TPM3: variants seen among roughly 807,000 people sequenced by gnomAD.
TPM3 encodes tropomyosin 3, also known as tropomyosin alpha-3 chain.
Under a neutral mutation model 43.1 loss-of-function variants are expected in TPM3, and 16 were observed. That is an observed-to-expected ratio of 0.37 (90% confidence interval 0.25 to 0.56). TPM3 has a LOEUF of 0.56. Among genes scored for constraint, TPM3 ranks in the 20% least tolerant of loss-of-function variants. The probability of loss-of-function intolerance (pLI) is 0.77; values close to 1 mark genes in which losing one functional copy is unlikely to be tolerated. For synonymous variants in TPM3, 101 were observed against 116.9 expected (o/e 0.86, Z 0.88); for missense variants, 176 against 337.2 (o/e 0.52, Z 3.74).
intron 5 of TPM3, 116 bp from the exon 6 acceptor site, chr1:154,171,604 A>T (rs1661584252): frequency 1.1e-5 from 12 of 1,127,400 alleles, no homozygotes; most frequent in Non-Finnish European, 1.4e-5. Flanking sequence ...TGGAAGGCAT[A>T]CTGGGGAAGA....
chr1:154,173,299 C>T (rs2148242846), intron 3 of TPM3, 98 bp from the exon 4 acceptor site: 1 of 941,356 alleles, frequency 1.1e-6, no homozygotes, highest in Non-Finnish European at 1.7e-6. Flanking sequence ...AAGCCCACTC[C>T]TCTCTGTCTG....
chr1:154,161,443 T>C (rs988076297), downstream of TPM3, among the ~76,000 whole-genome samples: 1 of 149,578 alleles, frequency 6.7e-6, no homozygotes, highest in African/African-American at 2.5e-5. Flanking sequence ...GATCCTTTTT[T>C]TTTTTTTTTT....
At chr1:154,169,714 T>C (rs574409236) in intron 8 of TPM3, 49 of 435,354 alleles carry the variant, frequency 1.1e-4, no homozygotes, top group South Asian at 2.1e-4. Flanking sequence ...TAACACTTAA[T>C]TGAACAAAAA....
intron 9 of TPM3, among the ~76,000 whole-genome samples, chr1:154,169,046 G>T (rs1661294493): frequency 6.6e-6 from 1 of 151,960 alleles, no homozygotes; most frequent in Admixed American, 6.6e-5. Flanking sequence ...ATGTTGGCCA[G>T]GCTGGTCTCC....
Position 154,163,604 on chromosome 1 carries a change from T to C in TPM3, c.*4333A>G, listed in dbSNP as rs34629044. 0.012 allele frequency among the ~76,000 whole-genome samples: 1,794 copies of C among 152,262 alleles called. 29 individuals carry two copies. Among genetic ancestry groups the C allele is most frequent in the South Asian group, 0.057 (274 of 4,812 alleles). On this transcript the variant is annotated 3_prime_UTR_variant, in exon 10 of 10. Coordinates refer to ENST00000651641, the MANE Select transcript of TPM3 (RefSeq NM_152263.4). ...TTCTTTCCCTCCAATCAGTTCCATT[T>C]GGTTCCTCCTCTTACATAACGTTTT...
At chr1:154,161,437 CTTTTTTT>C (rs966387714), downstream of TPM3, among the ~76,000 whole-genome samples, 1 of 113,410 alleles carries the variant, frequency 8.8e-6, no homozygotes, top group African/African-American at 3.5e-5. Context: ...TATCAGGATC[CTTTTTTT>C]TTTTTTTTTT....
At chr1:154,186,085 A>G (rs1468532918) in intron 2 of TPM3, among the ~76,000 whole-genome samples, 1 of 151,676 alleles carries the variant, frequency 6.6e-6, no homozygotes, top group African/African-American at 2.4e-5. Flanking sequence ...TTGGATAGAT[A>G]ATAATTTTCT....
chr1:154,191,038 T>C (rs1663657567), intron 2 of TPM3, 148 bp downstream of exon 2: 2 of 1,284,680 alleles, frequency 1.6e-6, no homozygotes. Flanking sequence ...TATGAGAATA[T>C]ACCAGCATGT....
Position 154,177,958 on chromosome 1 carries a change from C to T in TPM3, c.244-1710G>A, listed in dbSNP as rs186976998. Among the ~76,000 whole-genome samples, 117 of 152,296 alleles carry T rather than the reference C, an allele frequency of 7.7e-4. 3 individuals carry two copies. Among genetic ancestry groups the T allele is most frequent in the Admixed American group, 7.3e-3 (112 of 15,292 alleles). On this transcript the variant is annotated intron_variant, in intron 2 of 9. Transcript: ENST00000651641. ...TCTAACTACACTACTCAAAACACCA[C>T]AAAGACAAGTATTCTCTGCTTCTGC...
chr1:154,169,312 T>C lies in TPM3; in HGVS notation c.847A>G (p.Thr283Ala), dbSNP rs1286126438. The change falls in exon 9 of 10, where the codon ACC becomes GCC. Residue 283 changes from threonine (T) to alanine (A), a missense_variant. Thr to Ala is a moderately conservative substitution (Grantham distance 58). Transcript: ENST00000651641. ...EELDHALNDM[T>A]SI The stretch of plus-strand genomic sequence containing the variant: ...CTACTGTCAGATAGTTACATAGAGG[T>C]CATGTCATTGAGGGCGTGGTCCAGC... 6.2e-7 allele frequency: 1 copy of C among 1,614,102 alleles called. No individual in the cohort carries two copies. The highest frequency in any genetic ancestry group is 8.5e-7 in the Non-Finnish European group (1 of 1,180,000).
intron 2 of TPM3, among the ~76,000 whole-genome samples, chr1:154,183,404 G>A (rs1163270581): frequency 6.6e-6 from 1 of 152,168 alleles, no homozygotes. Context: ...GGACGAGGGA[G>A]TGTTACCATG....
intron 9 of TPM3, among the ~76,000 whole-genome samples, chr1:154,168,748 A>C (rs1294969224): frequency 2.0e-5 from 3 of 150,004 alleles, no homozygotes; most frequent in African/African-American, 2.5e-5. Context: ...CTGGTCTTGA[A>C]CTCCTGGCCT....
rs534828434 is a variant in TPM3, at chr1:154,163,580, TC to T, written c.*4356del. On this transcript the variant is annotated 3_prime_UTR_variant, in exon 10 of 10. Transcript: ENST00000651641. ...TTTTTAAAGAACTACTCAACCGTCT[TC>T]TTTCCCTCCAATCAGTTCCATTTGG... Among the ~76,000 whole-genome samples, 106 of 152,284 alleles carry T rather than the reference TC, an allele frequency of 7.0e-4. No homozygotes were observed. The highest frequency in any genetic ancestry group is 6.8e-3 in the Middle Eastern group (2 of 294).
At chr1:154,190,972 TA>T (rs201746981) in intron 2 of TPM3, among the ~76,000 whole-genome samples, 30 of 151,534 alleles carry the variant, frequency 2.0e-4, no homozygotes, top group Admixed American at 4.6e-4. Flanking sequence ...TTACATGTAT[TA>T]AAAAAAAACT....
chr1:154,170,285 T>A, intron 8 of TPM3, 115 bp downstream of exon 8: 1 of 1,145,136 alleles, frequency 8.7e-7, no homozygotes, highest in East Asian at 2.3e-5. Flanking sequence ...CACATGATAT[T>A]AATACATGCC....
Position 154,163,377 on chromosome 1 carries a change from C to T in TPM3, c.*4560G>A, listed in dbSNP as rs1027026495. Among the ~76,000 whole-genome samples the T allele has an allele frequency of 4.5e-4, 68 of 152,220 alleles. No individual in the cohort carries two copies. Among genetic ancestry groups the T allele is most frequent in the Non-Finnish European group, 1.0e-4 (7 of 68,014 alleles). ...CCTGCTCTAAAGTAAATTATATTGC[C>T]TATATAATCTTCCTACCAATACACT... On this transcript the variant is annotated 3_prime_UTR_variant, in exon 10 of 10. Coordinates refer to ENST00000651641, the MANE Select transcript of TPM3 (RefSeq NM_152263.4).
At chr1:154,158,660 C>T, downstream of TPM3, 1 of 437,502 alleles carries the variant, frequency 2.3e-6, no homozygotes, top group Non-Finnish European at 4.3e-6. Flanking sequence ...GGGAACATAT[C>T]CTACAGTCAG....
rs1287406435 is a variant in TPM3, at chr1:154,162,140, G to A, written c.*5797C>T. Among the ~76,000 whole-genome samples, 1 of 152,042 alleles carries A rather than the reference G, an allele frequency of 6.6e-6. No individual in the cohort carries two copies. The highest frequency in any genetic ancestry group is 2.4e-5 in the African/African-American group (1 of 41,416). On this transcript the variant is annotated 3_prime_UTR_variant, in exon 10 of 10. Transcript: ENST00000651641. ...AACCCCAGCACTTTGGAAGGCCGAG[G>A]CGGGCAGATCACGAGGTCAGGAGTT...
downstream of TPM3, chr1:154,156,770 T>C (rs1659846585): frequency 5.0e-6 from 1 of 199,670 alleles, no homozygotes; most frequent in Admixed American, 6.0e-5. Context: ...AGACAGCAGC[T>C]TCAAACCCAG....
Sources: gnomAD v4.1 joint callset for allele counts (sites outside exome capture counted in the v4.1 genomes callset) on GRCh38, gnomAD v4.1.1 for gene constraint, MANE v1.5 for transcripts, NCBI Gene and HGNC (gene_info 2026-07-23, HGNC 2026-07-21) for gene names.